The following PRKG2 variants were observed in gnomAD, a reference collection of about 807,000 sequenced individuals.
PRKG2 encodes protein kinase cGMP-dependent 2.
In PRKG2, 33 loss-of-function variants were observed where a neutral mutation model predicts 97.2. The ratio of observed to expected loss-of-function variants is 0.34; its 90% CI spans 0.26 to 0.45. The LOEUF is 0.45. Ranked by LOEUF, PRKG2 falls within the 20% of genes least tolerant of loss-of-function variation. The probability of loss-of-function intolerance (pLI) is 1.00; values close to 1 mark genes in which losing one functional copy is unlikely to be tolerated. For missense variants in PRKG2, 638 were observed against 900.0 expected (o/e 0.71, Z 3.73); for synonymous variants, 330 against 321.8 (o/e 1.03, Z -0.27).
chr4:81,147,903 G>A (rs1748012452), intron 9 of PRKG2, among the ~76,000 whole-genome samples: 2 of 152,016 alleles, frequency 1.3e-5, no homozygotes, highest in Non-Finnish European at 2.9e-5. Context: ...TTTTATGTTG[G>A]GAATTTGCTT....
intron 2 of PRKG2, among the ~76,000 whole-genome samples, chr4:81,176,878 T>G (rs1045462354): frequency 6.6e-6 from 1 of 152,048 alleles, no homozygotes; most frequent in Non-Finnish European, 1.5e-5. Context: ...AAAAGACTCT[T>G]TTGTCCATAG....
At chr4:81,204,462 C>A in intron 2 of PRKG2, 125 bp downstream of exon 2, 1 of 1,107,142 alleles carries the variant, frequency 9.0e-7, no homozygotes, top group East Asian at 2.4e-5. Flanking sequence ...ATTTCAAAAA[C>A]CCCTCTACCC....
chr4:81,176,031 A>G (rs918067254), intron 2 of PRKG2: 1 of 152,144 alleles, frequency 6.6e-6, no homozygotes, highest in Admixed American at 6.5e-5. Context: ...AAGTTTTCAA[A>G]CAAAAGGTAA....
intron 2 of PRKG2, among the ~76,000 whole-genome samples, chr4:81,199,979 G>A (rs921366180): frequency 1.2e-4 from 19 of 152,292 alleles, no homozygotes; most frequent in South Asian, 4.1e-4. Context: ...AGTTTCAAAT[G>A]ATAGTTTAAG....
At chr4:81,102,557 G>T (rs567812663) in intron 17 of PRKG2, among the ~76,000 whole-genome samples, 1 of 152,292 alleles carries the variant, frequency 6.6e-6, no homozygotes, top group South Asian at 2.1e-4. Context: ...CTTTACAGCT[G>T]AAGGCAATCC....
chr4:81,137,261 T>C, intron 13 of PRKG2, 132 bp downstream of exon 13: 1 of 692,798 alleles, frequency 1.4e-6, no homozygotes. Context: ...CAAGACAATA[T>C]CACTATTACT....
intron 1 of PRKG2, among the ~76,000 whole-genome samples, chr4:81,205,471 A>C (rs1753596684): frequency 6.6e-6 from 1 of 152,242 alleles, no homozygotes; most frequent in Non-Finnish European, 1.5e-5. Context: ...TGGAAATGTC[A>C]CAACTTTCAT....
At chr4:81,116,051 G>C (rs1744483555) in intron 14 of PRKG2, among the ~76,000 whole-genome samples, 1 of 151,788 alleles carries the variant, frequency 6.6e-6, no homozygotes, top group East Asian at 1.9e-4. Flanking sequence ...TTTTATTTTA[G>C]GTCCATGTAT....
intron 2 of PRKG2, among the ~76,000 whole-genome samples, chr4:81,199,478 T>G (rs1753163976): frequency 6.6e-6 from 1 of 152,176 alleles, no homozygotes; most frequent in African/African-American, 2.4e-5. Flanking sequence ...GGTTTTCTGA[T>G]TTTGAATTCT....
intron 14 of PRKG2, among the ~76,000 whole-genome samples, chr4:81,132,619 A>C (rs1247170171): frequency 6.6e-6 from 1 of 152,144 alleles, no homozygotes; most frequent in Non-Finnish European, 1.5e-5. Flanking sequence ...CTTTTTACAG[A>C]GCTTGAATAT....
intron 3 of PRKG2, among the ~76,000 whole-genome samples, chr4:81,172,816 C>A (rs1215067968): frequency 6.6e-6 from 1 of 151,980 alleles, no homozygotes; most frequent in Non-Finnish European, 1.5e-5. Context: ...AAAACTGATC[C>A]GAGTACCTAT....
intron 1 of PRKG2, among the ~76,000 whole-genome samples, chr4:81,213,799 G>A (rs764018483): frequency 2.0e-5 from 3 of 152,134 alleles, no homozygotes; most frequent in Non-Finnish European, 2.9e-5. Context: ...TCACTGTGAG[G>A]TGAATTCTCA....
chr4:81,187,029 G>A (rs113946231), intron 2 of PRKG2, among the ~76,000 whole-genome samples: 25,587 of 151,892 alleles, frequency 0.17, 3,747 homozygotes, highest in East Asian at 0.37. Context: ...GATTCACAGC[G>A]AAATTCTACC....
At chr4:81,121,914 C>T (rs909575772) in intron 14 of PRKG2, among the ~76,000 whole-genome samples, 18 of 152,158 alleles carry the variant, frequency 1.2e-4, no homozygotes, top group African/African-American at 2.6e-4. Context: ...ATAATATCAA[C>T]GTTTAATATG....
At position 81,203,576 on chromosome 4, in the gene PRKG2, C is replaced by T. The variant is rs542036329; in HGVS notation, c.461+1011G>A. 1.7e-3 allele frequency among the ~76,000 whole-genome samples: 258 copies of T among 152,210 alleles called. 1 individual carries two copies. Among genetic ancestry groups the T allele is most frequent in the African/African-American group, 5.9e-3 (243 of 41,532 alleles). ...GATTCAGGCTCGACCAAGGCATTAT[C>T]GAGGCAAAAGATTTAATTTCAATTA... On this transcript the variant is annotated intron_variant, in intron 2 of 18. Transcript: ENST00000264399.
intron 6 of PRKG2, among the ~76,000 whole-genome samples, chr4:81,155,306 G>T (rs1016030733): frequency 6.6e-6 from 1 of 151,888 alleles, no homozygotes; most frequent in Non-Finnish European, 1.5e-5. Context: ...GAGCCGATGC[G>T]ATCAGCTGGA....
intron 14 of PRKG2, among the ~76,000 whole-genome samples, chr4:81,113,529 T>A (rs896255252): frequency 7.9e-5 from 12 of 152,060 alleles, no homozygotes; most frequent in Non-Finnish European, 1.6e-4. Context: ...AACTAGAAGG[T>A]TTTAAAATGA....
At chr4:81,137,923 T>G (rs1033543073) in intron 12 of PRKG2, among the ~76,000 whole-genome samples, 1 of 152,206 alleles carries the variant, frequency 6.6e-6, no homozygotes, top group Non-Finnish European at 1.5e-5. Context: ...AGTTGGTTAA[T>G]TGATGTTGGA....
chr4:81,150,903 G>A (rs547150583), intron 8 of PRKG2, among the ~76,000 whole-genome samples: 4 of 151,908 alleles, frequency 2.6e-5, no homozygotes, highest in Admixed American at 1.3e-4. Context: ...GTTCATTACC[G>A]GCTATAAAGT....
Sources: gnomAD v4.1 joint callset for allele counts (sites outside exome capture counted in the v4.1 genomes callset) on GRCh38, gnomAD v4.1.1 for gene constraint, MANE v1.5 for transcripts, NCBI Gene and HGNC (gene_info 2026-07-23, HGNC 2026-07-21) for gene names.